The following VANGL1 variants were observed in gnomAD, a reference collection of about 807,000 sequenced individuals.
VANGL1 encodes vang-like protein 1.
A neutral mutation model predicts 48.4 loss-of-function variants in VANGL1; 18 were observed. That is an observed-to-expected ratio of 0.37 (90% CI 0.26 to 0.55). VANGL1 has a LOEUF of 0.55. Ranked by LOEUF, VANGL1 falls within the 20% of genes least tolerant of loss-of-function variation. The pLI is 0.81. For missense variants in VANGL1, 667 were observed against 675.8 expected (o/e 0.99, Z 0.14); for synonymous variants, 257 against 261.8 (o/e 0.98, Z 0.18).
At chr1:115,681,502 T>TG (rs1553189432) in intron 4 of VANGL1, among the ~76,000 whole-genome samples, 1 of 82,636 alleles carries the variant, frequency 1.2e-5, no homozygotes, top group Non-Finnish European at 2.6e-5. Context: ...TTTTTTTTGT[T>TG]GTTTTTTTTG....
At chr1:115,671,594 C>T (rs1046327334) in intron 4 of VANGL1, among the ~76,000 whole-genome samples, 1 of 152,202 alleles carries the variant, frequency 6.6e-6, no homozygotes, top group Non-Finnish European at 1.5e-5. Context: ...TGTCTTTGAT[C>T]CCCATGCCTC....
At chr1:115,665,623 A>G (rs1652750557) in intron 4 of VANGL1, among the ~76,000 whole-genome samples, 1 of 152,194 alleles carries the variant, frequency 6.6e-6, no homozygotes, top group African/African-American at 2.4e-5. Flanking sequence ...GGGATGATCT[A>G]GCGTTCAAGG....
chr1:115,673,504 G>A (rs1653055872), intron 4 of VANGL1, among the ~76,000 whole-genome samples: 1 of 151,548 alleles, frequency 6.6e-6, no homozygotes, highest in Non-Finnish European at 1.5e-5. Context: ...GTGGCTGCTG[G>A]CAACCCTTCG....
chr1:115,666,669 C>T (rs4839470), intron 4 of VANGL1, among the ~76,000 whole-genome samples: 36,695 of 152,120 alleles, frequency 0.24, 4,466 homozygotes, highest in Admixed American at 0.28. Flanking sequence ...GAGGTGGTCC[C>T]CAGCCTCATC....
rs1453221093 is a variant in VANGL1 at position 115,651,340 on chromosome 1, C to A, written c.-74C>A. 8 of 1,355,990 alleles carry A rather than the reference C, an allele frequency of 5.9e-6. No individual in the cohort carries two copies. In the African/African-American group the frequency reaches 1.0e-4, roughly 17 times the overall value. The allele number at this position is 1,355,990 out of a possible 1,614,324, so 84.0% of individuals were successfully genotyped here. ...CCAGACTCCTTGAGGTTTTAGGAGT[C>A]TGGTAGGTGAAATTTTCTACCTCTA... is the stretch of plus-strand genomic sequence containing the variant. On this transcript the variant is annotated 5_prime_UTR_variant, in exon 2 of 8. The change creates a new upstream start codon in the 5' untranslated region. Coordinates refer to ENST00000355485, the MANE Select transcript of VANGL1 (RefSeq NM_138959.3).
chr1:115,649,628 A>G (rs1255027593), intron 1 of VANGL1, among the ~76,000 whole-genome samples: 1 of 152,222 alleles, frequency 6.6e-6, no homozygotes, highest in Non-Finnish European at 1.5e-5. Flanking sequence ...TTGTTAGCTC[A>G]TTTGGTCTTC....
intron 2 of VANGL1, 98 bp downstream of exon 2, chr1:115,651,582 T>C (rs1652149976): frequency 2.9e-6 from 3 of 1,047,830 alleles, no homozygotes; most frequent in Non-Finnish European, 4.4e-6. Context: ...GCGCTGGACA[T>C]TTGGTCGGTT....
chr1:115,672,895 G>C (rs1653035128), intron 4 of VANGL1, among the ~76,000 whole-genome samples: 1 of 152,178 alleles, frequency 6.6e-6, no homozygotes, highest in South Asian at 2.1e-4. Context: ...CTGTCAGACT[G>C]AAGTCATTTA....
intron 4 of VANGL1, among the ~76,000 whole-genome samples, chr1:115,666,860 C>G (rs957448724): frequency 6.6e-6 from 1 of 152,208 alleles, no homozygotes; most frequent in South Asian, 2.1e-4. Context: ...GTCAGCCAGT[C>G]TGCCAGAGCT....
chr1:115,645,263 T>A (rs1651872214), intron 1 of VANGL1, among the ~76,000 whole-genome samples: 1 of 152,142 alleles, frequency 6.6e-6, no homozygotes, highest in Non-Finnish European at 1.5e-5. Flanking sequence ...TTAAAGGTGG[T>A]AGCAGAGACC....
At position 115,697,024 on chromosome 1, in the gene VANGL1, G is replaced by A. The variant is rs1043907646; in HGVS notation, c.*5645G>A. The stretch of plus-strand genomic sequence containing the variant: ...GTTTTGTATGTGCTTATCTTTATCT[G>A]AGCTTTCACTTGTAGACATGGCCTT... On this transcript the variant is annotated 3_prime_UTR_variant, in exon 8 of 8. Transcript: ENST00000355485. 5 of 152,180 alleles carry A rather than the reference G, an allele frequency of 3.3e-5. No homozygotes were observed. Among genetic ancestry groups the A allele is most frequent in the African/African-American group, 1.2e-4 (5 of 41,440 alleles). 9.4% of individuals were successfully genotyped at this position (152,180 alleles called of 1,614,324 possible).
At chr1:115,666,768 TAGG>T (rs946604762) in intron 4 of VANGL1, among the ~76,000 whole-genome samples, 1 of 151,992 alleles carries the variant, frequency 6.6e-6, no homozygotes, top group Non-Finnish European at 1.5e-5. Flanking sequence ...GAGCCTGAGT[TAGG>T]AGGTGGAAAG....
At chr1:115,677,912 A>G (rs4284265) in intron 4 of VANGL1, among the ~76,000 whole-genome samples, 43,544 of 152,090 alleles carry the variant, frequency 0.29, 6,592 homozygotes, top group East Asian at 0.54. Flanking sequence ...TGTCTGGTCT[A>G]GAGATTGGGG....
chr1:115,684,634 T>C (rs2101030616), intron 6 of VANGL1, among the ~76,000 whole-genome samples: 1 of 152,210 alleles, frequency 6.6e-6, no homozygotes, highest in Middle Eastern at 3.4e-3. Flanking sequence ...CCCTACCCAA[T>C]AGGTGTGGAG....
chr1:115,684,844 G>A (rs1297423712), intron 6 of VANGL1, among the ~76,000 whole-genome samples: 1 of 152,180 alleles, frequency 6.6e-6, no homozygotes. Flanking sequence ...GGCTGCTGGT[G>A]TGGGTGGCTG....
chr1:115,692,255 G>A lies in VANGL1; in HGVS notation c.*876G>A, dbSNP rs1006687842. On this transcript the variant is annotated 3_prime_UTR_variant, in exon 8 of 8. Transcript: ENST00000355485. The stretch of plus-strand genomic sequence containing the variant: ...GGAATGCCACCTTTAGGCTGCAGCA[G>A]GAGCCCCACACTGCCCAGTTTTCCT... The A allele has an allele frequency of 2.0e-5, 3 of 152,730 alleles. No homozygotes were observed. Among genetic ancestry groups the A allele is most frequent in the Admixed American group, 6.5e-5 (1 of 15,288 alleles). 9.5% of individuals were successfully genotyped at this position (152,730 alleles called of 1,614,324 possible). A position where few individuals can be genotyped will look rare whatever the true frequency, so the allele number is the denominator to read the frequency against.
At chr1:115,659,032 G>T (rs568149069) in intron 2 of VANGL1, among the ~76,000 whole-genome samples, 2 of 151,986 alleles carry the variant, frequency 1.3e-5, no homozygotes, top group Non-Finnish European at 1.5e-5. Flanking sequence ...TAGCTTGTTT[G>T]TTTCTATGGG....
Position 115,695,196 on chromosome 1 carries a change from G to A in VANGL1, c.*3817G>A, listed in dbSNP as rs1014299308. 3.3e-5 allele frequency: 5 copies of A among 152,468 alleles called. No homozygotes were observed. The highest frequency in any genetic ancestry group is 1.2e-4 in the African/African-American group (5 of 41,426). The allele number at this position is 152,468 out of a possible 1,614,324, so 9.4% of individuals were successfully genotyped here. On this transcript the variant is annotated 3_prime_UTR_variant, in exon 8 of 8. Transcript: ENST00000355485. ...TTACTGCTCAAACTTCACTACCCTG[G>A]AAGCCTTACTAGATATTTCTTAAGG... is the stretch of plus-strand genomic sequence containing the variant.
At chr1:115,668,247 C>T (rs1652863721) in intron 4 of VANGL1, among the ~76,000 whole-genome samples, 2 of 152,128 alleles carry the variant, frequency 1.3e-5, no homozygotes, top group Non-Finnish European at 2.9e-5. Context: ...TTTAGGAACA[C>T]ATGAACAAAC....
Sources: allele counts gnomAD v4.1 joint callset (sites outside exome capture counted in the v4.1 genomes callset), GRCh38; gene constraint gnomAD v4.1.1; transcripts MANE v1.5; gene names NCBI Gene and HGNC (gene_info 2026-07-23, HGNC 2026-07-21).